ADGRL3: variants seen among roughly 807,000 people sequenced by gnomAD.
ADGRL3 encodes the protein adhesion G protein-coupled receptor L3.
ADGRL3 carries 62 observed loss-of-function variants against 153.5 expected under a neutral mutation model. The ratio of observed to expected loss-of-function variants is 0.40; its 90% confidence interval spans 0.33 to 0.50. The LOEUF (loss-of-function observed/expected upper bound fraction) is 0.50, where lower values mean the gene tolerates loss of function less well. Among genes scored for constraint, ADGRL3 ranks in the 20% least tolerant of loss-of-function variants. The pLI is 0.47. For missense variants in ADGRL3, 1,641 were observed against 1,859.4 expected (o/e 0.88, Z 2.16); for synonymous variants, 710 against 672.5 (o/e 1.06, Z -0.86).
At chr4:61,752,942 A>G (rs2096774744) in intron 8 of ADGRL3, among the ~76,000 whole-genome samples, 1 of 152,028 alleles carries the variant, frequency 6.6e-6, no homozygotes, top group Non-Finnish European at 1.5e-5. Context: ...TCAAAAATAT[A>G]TATGTATTCA....
chr4:61,319,626 G>A (rs1372553499), intron 1 of ADGRL3, among the ~76,000 whole-genome samples: 1 of 152,122 alleles, frequency 6.6e-6, no homozygotes, highest in African/African-American at 2.4e-5. Context: ...AATAAACTGA[G>A]AATTAATGTA....
chr4:61,301,490 C>T (rs1320374110), intron 1 of ADGRL3, among the ~76,000 whole-genome samples: 2 of 152,110 alleles, frequency 1.3e-5, no homozygotes, highest in Admixed American at 1.3e-4. Context: ...CCTAACTGTC[C>T]AAATGTTTTC....
intron 1 of ADGRL3, among the ~76,000 whole-genome samples, chr4:61,367,387 C>A (rs993646524): frequency 1.3e-5 from 2 of 151,414 alleles, no homozygotes; most frequent in East Asian, 3.9e-4. Flanking sequence ...TCCCTCCCCA[C>A]TCCCCCCACC....
At chr4:62,004,673 GTAAAAAAGA>G (rs2099151722) in intron 21 of ADGRL3, among the ~76,000 whole-genome samples, 6 of 151,872 alleles carry the variant, frequency 4.0e-5, no homozygotes, top group African/African-American at 1.2e-4. Context: ...TACACGTTTT[GTAAAAAAGA>G]TTATTAGGTC....
chr4:61,986,584 A>G (rs896666676), intron 19 of ADGRL3, among the ~76,000 whole-genome samples: 2 of 152,188 alleles, frequency 1.3e-5, no homozygotes, highest in African/African-American at 4.8e-5. Flanking sequence ...TTTCCCAGAC[A>G]CTGATTTAAA....
intron 1 of ADGRL3, among the ~76,000 whole-genome samples, chr4:61,274,199 C>T (rs983395133): frequency 6.6e-6 from 1 of 152,100 alleles, no homozygotes; most frequent in African/African-American, 2.4e-5. Flanking sequence ...GTGACAGAGT[C>T]CTGGCATGAA....
intron 1 of ADGRL3, among the ~76,000 whole-genome samples, chr4:61,303,559 T>C (rs2094657269): frequency 1.3e-5 from 2 of 152,154 alleles, no homozygotes; most frequent in Non-Finnish European, 1.5e-5. Flanking sequence ...GAAAATATCA[T>C]TATGTGACTA....
At chr4:61,342,655 T>C (rs1014544886) in intron 1 of ADGRL3, among the ~76,000 whole-genome samples, 2 of 152,168 alleles carry the variant, frequency 1.3e-5, no homozygotes, top group Non-Finnish European at 2.9e-5. Flanking sequence ...TTATTGCTGA[T>C]GTGACTGATC....
chr4:61,518,096 C>T (rs1190003788), intron 4 of ADGRL3, among the ~76,000 whole-genome samples: 1 of 152,194 alleles, frequency 6.6e-6, no homozygotes, highest in Admixed American at 6.5e-5. Context: ...CATCCAGCCC[C>T]AAAAGCTCCA....
intron 21 of ADGRL3, among the ~76,000 whole-genome samples, chr4:62,001,610 G>A (rs1485636406): frequency 6.6e-6 from 1 of 152,092 alleles, no homozygotes; most frequent in Non-Finnish European, 1.5e-5. Context: ...AAAGAAAAAA[G>A]GAGTTAAGAG....
At chr4:61,830,220 C>T (rs1388791060) in intron 9 of ADGRL3, among the ~76,000 whole-genome samples, 3 of 151,866 alleles carry the variant, frequency 2.0e-5, no homozygotes, top group East Asian at 1.9e-4. Flanking sequence ...GTTGCCCAGG[C>T]TTCTACAAAA....
intron 9 of ADGRL3, among the ~76,000 whole-genome samples, chr4:61,869,680 A>G (rs1385163054): frequency 1.3e-5 from 2 of 151,626 alleles, no homozygotes; most frequent in Non-Finnish European, 2.9e-5. Flanking sequence ...AAAAGTGAGG[A>G]ATAATCCCAA....
rs1265056519 is a variant in ADGRL3 at position 61,865,169 on chromosome 4, T to C, written c.1481-27487T>C. On this transcript the variant is annotated intron_variant, in intron 9 of 26. Coordinates refer to ENST00000683033, the MANE Select transcript of ADGRL3 (RefSeq NM_001387552.1). ...AAAATGAGTATTTTCATAATCAATT[T>C]TCTGTGGACAAAAGAATTCTCTAAG... Among the ~76,000 whole-genome samples, 4 of 152,172 alleles carry C rather than the reference T, an allele frequency of 2.6e-5. No individual in the cohort carries two copies. In the East Asian group the frequency reaches 7.7e-4, roughly 29 times the overall value.
intron 2 of ADGRL3, among the ~76,000 whole-genome samples, chr4:61,438,527 T>A (rs913658659): frequency 1.3e-5 from 2 of 151,800 alleles, no homozygotes; most frequent in Non-Finnish European, 2.9e-5. Flanking sequence ...CTTGCTTTTT[T>A]AAAAACAATC....
At chr4:61,335,591 A>G (rs370829688) in intron 1 of ADGRL3, among the ~76,000 whole-genome samples, 1 of 152,176 alleles carries the variant, frequency 6.6e-6, no homozygotes, top group African/African-American at 2.4e-5. Flanking sequence ...TACTTAGAGC[A>G]ATTTAGCCAG....
rs2099003810 is a variant in ADGRL3, at chr4:61,965,669, T to A, written c.2806-13894T>A. Among the ~76,000 whole-genome samples, 3 of 152,026 alleles carry A rather than the reference T, an allele frequency of 2.0e-5. No homozygotes were observed. In the South Asian group the frequency reaches 6.2e-4, roughly 32 times the overall value. On this transcript the variant is annotated intron_variant, in intron 17 of 26. Coordinates refer to ENST00000683033, the MANE Select transcript of ADGRL3 (RefSeq NM_001387552.1). ...GGGAGGCTGAGTCAGGAGAATGGCG[T>A]GAACCCAGAAGGTGGAGCTTGCAGT...
intron 8 of ADGRL3, among the ~76,000 whole-genome samples, chr4:61,737,316 A>G (rs1207788538): frequency 1.3e-5 from 2 of 152,188 alleles, no homozygotes; most frequent in Non-Finnish European, 2.9e-5. Context: ...GAAGATTTTT[A>G]TATAAAGGGG....
chr4:61,432,574 C>CTTTCTTTCTT (rs2097370926), intron 2 of ADGRL3, among the ~76,000 whole-genome samples: 18 of 1,666 alleles, frequency 0.011, 1 homozygote, highest in South Asian at 0.062. Flanking sequence ...CTTTCTCTTC[C>CTTTCTTTCTT]TTTCTTTCTT....
chr4:61,771,786 C>CT (rs71213008), intron 8 of ADGRL3, among the ~76,000 whole-genome samples: 1 of 151,674 alleles, frequency 6.6e-6, no homozygotes, highest in South Asian at 2.1e-4. Flanking sequence ...ATCAATAAGC[C>CT]TTTTATAGGC....
Sources: allele counts gnomAD v4.1 joint callset (sites outside exome capture counted in the v4.1 genomes callset), GRCh38; gene constraint gnomAD v4.1.1; transcripts MANE v1.5; gene names NCBI Gene and HGNC (gene_info 2026-07-23, HGNC 2026-07-21).